The following PML variants were observed in gnomAD, a reference collection of about 807,000 sequenced individuals.
PML encodes the protein PML nuclear body scaffold, also known as protein PML.
In PML, 28 loss-of-function variants were observed where a neutral mutation model predicts 65.2. That is an observed-to-expected ratio of 0.43 (90% CI 0.32 to 0.59). PML has a LOEUF of 0.59. PML is among the 20% of genes least tolerant of loss of function. The pLI is 0.08. For synonymous variants in PML, 500 were observed against 508.8 expected (o/e 0.98, Z 0.23); for missense variants, 1,021 against 1,203.4 (o/e 0.85, Z 2.24).
chr15:74,016,095 G>A (rs2070562203), intron 2 of PML, among the ~76,000 whole-genome samples: 2 of 152,110 alleles, frequency 1.3e-5, no homozygotes, highest in African/African-American at 4.8e-5. Context: ...TGGCCAACAT[G>A]GTGAAACCCT....
chr15:74,032,557 T>C lies in PML; in HGVS notation c.1255-15T>C. The C allele has an allele frequency of 6.2e-7, 1 of 1,614,100 alleles. No homozygotes were observed. The highest frequency in any genetic ancestry group is 8.5e-7 in the Non-Finnish European group (1 of 1,179,972). On this transcript the variant is annotated splice_polypyrimidine_tract_variant and intron_variant, in intron 4 of 8. Coordinates refer to ENST00000268058, the MANE Select transcript of PML (RefSeq NM_033238.3). ...CTGCCTAGTCATTTCTGACTCAATT[T>C]TCCCAACTTTGCAGCCCGAGGAGGC...
At position 73,998,332 on chromosome 15, in the gene PML, A is replaced by G. The variant is rs1332371182; in HGVS notation, c.458A>G (p.Glu153Gly). ...CAGCTCCTCTGCGCCAAGTGCTTCG[A>G]GGCACACCAGTGGTTCCTCAAGCAC... is the stretch of plus-strand genomic sequence containing the variant. Reference protein sequence around the residue: ...CEQLLCAKCFEAHQWFLKHEA... With the variant: ...CEQLLCAKCFGAHQWFLKHEA... The change falls in exon 2 of 9, where the codon GAG becomes GGG. Residue 153 changes from glutamate (E) to glycine (G), a missense_variant. Transcript: ENST00000268058. 1 of 1,614,170 alleles carries G rather than the reference A, an allele frequency of 6.2e-7. No individual in the cohort carries two copies. Among genetic ancestry groups the G allele is most frequent in the South Asian group, 1.1e-5 (1 of 91,090 alleles).
chr15:74,006,427 C>G (rs1330105546), intron 2 of PML, among the ~76,000 whole-genome samples: 1 of 149,458 alleles, frequency 6.7e-6, no homozygotes, highest in East Asian at 2.0e-4. Flanking sequence ...AAAACAGGAG[C>G]TTTTTAGCAT....
At chr15:74,002,285 T>C (rs2069797640) in intron 2 of PML, among the ~76,000 whole-genome samples, 4 of 151,844 alleles carry the variant, frequency 2.6e-5, no homozygotes, top group Admixed American at 2.6e-4. Flanking sequence ...TTGTATTTGT[T>C]GTACACACAT....
intron 2 of PML, among the ~76,000 whole-genome samples, chr15:74,017,268 G>C (rs890107594): frequency 6.6e-6 from 1 of 152,178 alleles, no homozygotes; most frequent in Admixed American, 6.5e-5. Flanking sequence ...AAGAAGCAAG[G>C]CTCTAACTTC....
intron 1 of PML, among the ~76,000 whole-genome samples, chr15:73,995,527 T>G (rs1329381523): frequency 1.3e-5 from 2 of 152,232 alleles, no homozygotes; most frequent in East Asian, 3.8e-4. Context: ...AAGGAACTAC[T>G]TGGGTTTCTT....
intron 2 of PML, among the ~76,000 whole-genome samples, chr15:74,016,230 T>C (rs1595893884): frequency 6.6e-6 from 1 of 152,034 alleles, no homozygotes; most frequent in African/African-American, 2.4e-5. Context: ...TGAGCCGAGA[T>C]TGCCCCACTT....
chr15:74,003,309 G>C (rs2069872511), intron 2 of PML, among the ~76,000 whole-genome samples: 1 of 151,994 alleles, frequency 6.6e-6, no homozygotes, highest in Admixed American at 6.6e-5. Context: ...GCGGGCGCCT[G>C]TAATCCCAGC....
chr15:74,035,863 A>G lies in PML; in HGVS notation c.1710+1333A>G. 3 of 1,613,762 alleles carry G rather than the reference A, an allele frequency of 1.9e-6. No homozygotes were observed. The highest frequency in any genetic ancestry group is 2.5e-6 in the Non-Finnish European group (3 of 1,179,980). On this transcript the variant is annotated intron_variant, in intron 7 of 8. Coordinates refer to ENST00000268058, the MANE Select transcript of PML (RefSeq NM_033238.3). This position sits in a 1 kb window ranked among gnomAD's most constrained non-coding sequence, Gnocchi z 4.1. ...GCCTCTCAAGTCCAAGTGCCTCTGGAAGCCTCTCCAATTACATTCCCACCA... is the reference window on the plus strand; with the variant it reads ...GCCTCTCAAGTCCAAGTGCCTCTGGGAGCCTCTCCAATTACATTCCCACCA...
At chr15:74,039,582 G>A (rs111748492) in intron 7 of PML, among the ~76,000 whole-genome samples, 13 of 152,304 alleles carry the variant, frequency 8.5e-5, no homozygotes, top group Non-Finnish European at 1.9e-4. Flanking sequence ...TCAGTGATAA[G>A]GACAATTGTT....
intron 7 of PML, among the ~76,000 whole-genome samples, chr15:74,041,095 A>G (rs2071686390): frequency 6.6e-6 from 1 of 152,206 alleles, no homozygotes; most frequent in East Asian, 1.9e-4. Context: ...GCACTCAGGA[A>G]CACAAAGGGG....
At chr15:74,028,457 AAT>A (rs1020152965) in intron 4 of PML, 14 of 152,028 alleles carry the variant, frequency 9.2e-5, no homozygotes, top group African/African-American at 3.4e-4. Context: ...AAAAAAAAAA[AAT>A]GTTTAATTTT....
intron 1 of PML, among the ~76,000 whole-genome samples, chr15:73,996,146 G>A (rs2069493893): frequency 2.6e-5 from 4 of 152,170 alleles, no homozygotes. Context: ...GCATTAAGTA[G>A]ATTCACAATA....
Position 74,046,109 on chromosome 15 carries a change from G to A in PML, c.*1101G>A, listed in dbSNP as rs2071768023. The A allele has an allele frequency of 4.3e-6, 1 of 232,992 alleles. No homozygotes were observed. The highest frequency in any genetic ancestry group is 2.2e-5 in the African/African-American group (1 of 45,338). The allele number at this position is 232,992 out of a possible 1,614,324, so 14.4% of individuals were successfully genotyped here. ...AGTGTCCCCATCTGTAAAATGGGCT[G>A]ATTGGCCTCCACGGTCAGAGCGGCC... is the stretch of plus-strand genomic sequence containing the variant. On this transcript the variant is annotated 3_prime_UTR_variant, in exon 9 of 9. Transcript: ENST00000268058.
intron 2 of PML, among the ~76,000 whole-genome samples, chr15:74,018,588 A>G (rs894083990): frequency 5.3e-5 from 8 of 152,092 alleles, no homozygotes; most frequent in African/African-American, 1.9e-4. Flanking sequence ...GGTGTAGGCA[A>G]TCCTCTCACC....
At chr15:74,019,883 AT>A (rs1161308533) in intron 2 of PML, among the ~76,000 whole-genome samples, 1 of 152,268 alleles carries the variant, frequency 6.6e-6, no homozygotes, top group Non-Finnish European at 1.5e-5. Context: ...GCTACATAGT[AT>A]TCCGTTGTAT....
chr15:74,044,888 G>T lies in PML; in HGVS notation c.2529G>T (p.Leu843=). 1 of 1,613,540 alleles carries T rather than the reference G, an allele frequency of 6.2e-7. No homozygotes were observed. The highest frequency in any genetic ancestry group is 8.5e-7 in the Non-Finnish European group (1 of 1,180,010). Residue 843 remains leucine (L), a synonymous_variant, in exon 9 of 9, where the codon CTG becomes CTT. Coordinates refer to ENST00000268058, the MANE Select transcript of PML (RefSeq NM_033238.3). ...CCCCTGCCCAGCCTGCTTTCAACCT[G>T]CAGGCTCTGGGCACCTACTTTGAAG... The part of the protein sequence containing the change: ...TLPPAQPAFN[L]QALGTYFEGL...
chr15:74,023,086 A>T lies in PML; in HGVS notation c.861A>T (p.Val287=). 1 of 1,603,038 alleles carries T rather than the reference A, an allele frequency of 6.2e-7. No individual in the cohort carries two copies. The highest frequency in any genetic ancestry group is 8.5e-7 in the Non-Finnish European group (1 of 1,178,804). Reference sequence around the variant, plus strand: ...TCCGCGAGCGCGTGCGCCAGGTGGTAGCTCACGTGCGGGCTCAGGAGCGCG... The same window carrying T: ...TCCGCGAGCGCGTGCGCCAGGTGGTTGCTCACGTGCGGGCTCAGGAGCGCG... ...ELIRERVRQV[V]AHVRAQEREL... Residue 287 remains valine (V), a synonymous_variant, in exon 3 of 9, where the codon GTA becomes GTT. Transcript: ENST00000268058.
intron 2 of PML, among the ~76,000 whole-genome samples, chr15:74,011,844 G>A (rs1044721415): frequency 4.6e-5 from 7 of 152,192 alleles, no homozygotes; most frequent in Non-Finnish European, 7.4e-5. Context: ...TGCCAGAGCC[G>A]GGGCCAGAAC....
Sources: allele counts gnomAD v4.1 joint callset (sites outside exome capture counted in the v4.1 genomes callset), GRCh38; gene constraint gnomAD v4.1.1; non-coding constraint Gnocchi (gnomAD v3.1); transcripts MANE v1.5; gene names NCBI Gene and HGNC (gene_info 2026-07-23, HGNC 2026-07-21).